ACSL3: variants seen among roughly 807,000 people sequenced by gnomAD.
ACSL3 encodes fatty acid CoA ligase Acsl3.
Under a neutral mutation model 84.7 loss-of-function variants are expected in ACSL3, and 34 were observed. The observed-to-expected ratio is 0.40, with a 90% CI of 0.31 to 0.53. ACSL3 has a LOEUF of 0.53. ACSL3 is among the 20% of genes least tolerant of loss of function. The probability of loss-of-function intolerance (pLI) is 0.48; values close to 1 mark genes in which losing one functional copy is unlikely to be tolerated. For missense variants in ACSL3, 680 were observed against 873.1 expected, an observed-to-expected ratio of 0.78 and a Z score of 2.79; for synonymous variants, 315 against 299.4, an observed-to-expected ratio of 1.05 and a Z score of -0.54.
chr2:222,865,501 G>C (rs1374607095), intron 1 of ACSL3, among the ~76,000 whole-genome samples: 1 of 152,202 alleles, frequency 6.6e-6, no homozygotes, highest in African/African-American at 2.4e-5. Flanking sequence ...GCGAGTTCCT[G>C]CTCTTAAGGA....
chr2:222,921,042 C>T (rs756793649), intron 7 of ACSL3: 21 of 613,760 alleles, frequency 3.4e-5, no homozygotes, highest in Non-Finnish European at 5.3e-5. Context: ...ATCTTCTCAC[C>T]TTGTCTTGCT....
intron 11 of ACSL3, among the ~76,000 whole-genome samples, chr2:222,926,263 T>C (rs1696871849): frequency 6.6e-6 from 1 of 152,214 alleles, no homozygotes; most frequent in South Asian, 2.1e-4. Flanking sequence ...TATGCCGTTT[T>C]ATATAAGGGA....
intron 1 of ACSL3, among the ~76,000 whole-genome samples, chr2:222,871,733 A>T (rs1695307227): frequency 1.3e-5 from 2 of 152,142 alleles, no homozygotes; most frequent in African/African-American, 4.8e-5. Context: ...ACAAGAGAAG[A>T]CACAAGGGAG....
At chr2:222,927,618 A>G (rs1305869659) in intron 12 of ACSL3, among the ~76,000 whole-genome samples, 2 of 152,196 alleles carry the variant, frequency 1.3e-5, no homozygotes, top group African/African-American at 4.8e-5. Flanking sequence ...TAGAGAAGGA[A>G]CTAAGTTCTG....
chr2:222,919,559 G>A (rs1696676028), intron 7 of ACSL3, among the ~76,000 whole-genome samples: 1 of 152,092 alleles, frequency 6.6e-6, no homozygotes, highest in Non-Finnish European at 1.5e-5. Context: ...TAACAGAGTG[G>A]CTAAACCTGG....
At chr2:222,910,095 T>C (rs1696404983) in intron 4 of ACSL3, among the ~76,000 whole-genome samples, 1 of 152,240 alleles carries the variant, frequency 6.6e-6, no homozygotes, top group African/African-American at 2.4e-5. Context: ...TGGCACTTAA[T>C]GTAAATGCTC....
intron 16 of ACSL3, among the ~76,000 whole-genome samples, chr2:222,935,547 T>C (rs879901583): frequency 8.5e-5 from 13 of 152,182 alleles, no homozygotes; most frequent in Non-Finnish European, 1.5e-4. Context: ...TTCAGTAATG[T>C]CAGATTCCAC....
intron 1 of ACSL3, among the ~76,000 whole-genome samples, chr2:222,867,966 G>A (rs1376636666): frequency 6.9e-6 from 1 of 144,450 alleles, no homozygotes; most frequent in African/African-American, 2.6e-5. Flanking sequence ...CTTTACTTTA[G>A]TTAACTTTCT....
chr2:222,933,559 AC>A (rs1697092125), intron 15 of ACSL3: 1 of 235,356 alleles, frequency 4.2e-6, no homozygotes, highest in African/African-American at 2.3e-5. Flanking sequence ...CTGCCTTGGT[AC>A]CCCTACCTAC....
intron 2 of ACSL3, among the ~76,000 whole-genome samples, chr2:222,889,159 A>G (rs968433309): frequency 6.6e-6 from 1 of 152,190 alleles, no homozygotes; most frequent in Non-Finnish European, 1.5e-5. Context: ...AATGACTGTA[A>G]TTACTGTTGA....
intron 13 of ACSL3, 108 bp downstream of exon 13, chr2:222,929,044 T>C: frequency 1.2e-6 from 1 of 815,494 alleles, no homozygotes; most frequent in South Asian, 1.7e-5. Flanking sequence ...GTGCTCATTT[T>C]TGTCCTTTGT....
intron 16 of ACSL3, among the ~76,000 whole-genome samples, chr2:222,937,469 A>G (rs1466174064): frequency 6.6e-6 from 1 of 152,090 alleles, no homozygotes; most frequent in African/African-American, 2.4e-5. Context: ...TGTTTGCTTC[A>G]TATATTTAGA....
At chr2:222,864,056 G>T (rs879505159) in intron 1 of ACSL3, among the ~76,000 whole-genome samples, 3 of 152,030 alleles carry the variant, frequency 2.0e-5, no homozygotes, top group Non-Finnish European at 4.4e-5. Flanking sequence ...TGAGAAAATG[G>T]AGATAAAAAA....
chr2:222,935,185 A>G (rs1006541485), intron 16 of ACSL3, among the ~76,000 whole-genome samples: 1 of 151,994 alleles, frequency 6.6e-6, no homozygotes, highest in African/African-American at 2.4e-5. Context: ...AGCGTGAATT[A>G]TTTTTTATTT....
chr2:222,901,567 T>C (rs935214855), intron 3 of ACSL3, among the ~76,000 whole-genome samples: 2 of 152,220 alleles, frequency 1.3e-5, no homozygotes, highest in African/African-American at 4.8e-5. Flanking sequence ...TAAAATCAGC[T>C]TACTTATTTC....
intron 8 of ACSL3, 112 bp downstream of exon 8, chr2:222,921,542 G>T (rs1696739203): frequency 3.8e-6 from 4 of 1,050,562 alleles, no homozygotes; most frequent in Non-Finnish European, 5.3e-6. Context: ...GAGTCTGTTT[G>T]TAGTAGGCAT....
chr2:222,906,835 G>C (rs971106365), intron 3 of ACSL3, among the ~76,000 whole-genome samples: 7 of 152,080 alleles, frequency 4.6e-5, no homozygotes, highest in African/African-American at 1.7e-4. Context: ...GGATGGTCTC[G>C]ATCTCCTGAT....
chr2:222,879,473 C>T (rs1485639336), intron 1 of ACSL3, among the ~76,000 whole-genome samples: 1 of 152,192 alleles, frequency 6.6e-6, no homozygotes, highest in African/African-American at 2.4e-5. Context: ...TATGCTCACC[C>T]ATGCCTCCCT....
chr2:222,902,168 A>G (rs1282287395), intron 3 of ACSL3, among the ~76,000 whole-genome samples: 1 of 152,224 alleles, frequency 6.6e-6, no homozygotes, highest in African/African-American at 2.4e-5. Flanking sequence ...AGCTTTCAAC[A>G]TAATTGCAAA....
Sources: gnomAD v4.1 joint callset for allele counts (sites outside exome capture counted in the v4.1 genomes callset) on GRCh38, gnomAD v4.1.1 for gene constraint, MANE v1.5 for transcripts, NCBI Gene and HGNC (gene_info 2026-07-23, HGNC 2026-07-21) for gene names.